The following PPP6R2 variants were observed in gnomAD, a reference collection of about 807,000 sequenced individuals.
The protein encoded by PPP6R2 is serine/threonine-protein phosphatase 6 regulatory subunit 2.
Under a neutral mutation model 100.2 loss-of-function variants are expected in PPP6R2, and 62 were observed. The observed-to-expected ratio is 0.62, with a 90% CI of 0.50 to 0.76. The LOEUF is 0.76. Among genes scored for constraint, PPP6R2 ranks in the 30% least tolerant of loss-of-function variants. The pLI, the probability that PPP6R2 is intolerant of heterozygous loss-of-function variation, is 0.00. For synonymous variants in PPP6R2, 525 were observed against 514.7 expected (o/e 1.02, Z -0.27); for missense variants, 1,142 against 1,276.3 (o/e 0.89, Z 1.60).
At chr22:50,428,687 TCAGC>T (rs1164221874) in intron 10 of PPP6R2, among the ~76,000 whole-genome samples, 2 of 152,140 alleles carry the variant, frequency 1.3e-5, no homozygotes, top group African/African-American at 4.8e-5. Context: ...TGTGTGTACT[TCAGC>T]CAGGGCAACA....
rs1157688641 is a variant in PPP6R2, at chr22:50,406,843, A to G, written c.382A>G (p.Ile128Val). 2 of 1,613,994 alleles carry G rather than the reference A, an allele frequency of 1.2e-6. No homozygotes were observed. The highest frequency in any genetic ancestry group is 1.7e-5 in the Admixed American group (1 of 59,988). Residue 128 changes from isoleucine (I) to valine (V), a missense_variant, in exon 4 of 24, where the codon ATT becomes GTT. This residue lies in a region of PPP6R2 where 592 missense variants were observed against 758.9 expected (regional missense o/e 0.78). Coordinates refer to ENST00000612753, the MANE Select transcript of PPP6R2 (RefSeq NM_001242898.2). ...PLLASFFSKT[I>V]GNLIARKTEQ... ...GCTCGCCAGTTTTTTCAGCAAGACCATTGGCAATCTCATTGCAAGAAAAAC... is the reference window on the plus strand; with the variant it reads ...GCTCGCCAGTTTTTTCAGCAAGACCGTTGGCAATCTCATTGCAAGAAAAAC...
At chr22:50,384,638 C>T (rs2053832717) in intron 2 of PPP6R2, among the ~76,000 whole-genome samples, 1 of 152,228 alleles carries the variant, frequency 6.6e-6, no homozygotes, top group African/African-American at 2.4e-5. Context: ...TGGTGGGGGC[C>T]TTCTTGCTGC....
At position 50,372,744 on chromosome 22, in the gene PPP6R2, A is replaced by G. The variant is rs2050533676; in HGVS notation, c.-17+594A>G. ...TGCTCTGTTGCCCAGGCTGGAGTGC[A>G]GTGGTGTGATCTCGGCTCACTGCAA... On this transcript the variant is annotated intron_variant, in intron 2 of 23. Coordinates refer to ENST00000612753, the MANE Select transcript of PPP6R2 (RefSeq NM_001242898.2). 4.7e-5 allele frequency among the ~76,000 whole-genome samples: 7 copies of G among 150,316 alleles called. No individual in the cohort carries two copies. In the South Asian group the frequency reaches 1.5e-3, roughly 32 times the overall value.
At chr22:50,367,033 C>T (rs1381783944) in intron 1 of PPP6R2, among the ~76,000 whole-genome samples, 4 of 151,656 alleles carry the variant, frequency 2.6e-5, no homozygotes, top group African/African-American at 7.3e-5. Context: ...TGGTCTGTTC[C>T]GTCTTGGCCA....
chr22:50,339,829 GTGTGTGT>G (rs2042350727), upstream of PPP6R2, among the ~76,000 whole-genome samples: 2 of 59,614 alleles, frequency 3.4e-5, no homozygotes, highest in South Asian at 8.0e-4. Context: ...GGGGTATGTA[GTGTGTGT>G]GGTGTGTGGT....
At chr22:50,392,530 G>T (rs1221776988) in intron 2 of PPP6R2, among the ~76,000 whole-genome samples, 1 of 152,186 alleles carries the variant, frequency 6.6e-6, no homozygotes, top group East Asian at 1.9e-4. Context: ...AGGCTGCAGG[G>T]CCTCACCCTT....
chr22:50,368,084 C>T (rs953145326), intron 1 of PPP6R2, among the ~76,000 whole-genome samples: 5 of 152,220 alleles, frequency 3.3e-5, no homozygotes, highest in Non-Finnish European at 7.3e-5. Context: ...ATTTCAAAGA[C>T]GTTAGTACTT....
intron 3 of PPP6R2, among the ~76,000 whole-genome samples, chr22:50,398,672 T>A (rs2148997696): frequency 6.6e-6 from 1 of 151,258 alleles, no homozygotes; most frequent in African/African-American, 2.4e-5. Context: ...CACACCAGCA[T>A]GCCTGGCTAA....
At position 50,431,029 on chromosome 22, in the gene PPP6R2, C is replaced by A. The variant is rs1275322828; in HGVS notation, c.1126-144C>A. ...TAGAGAGATGACCCTCAGGAAAACGCTTAAAACTCCTTCCTAGCTACCCAG... is the reference window on the plus strand; with the variant it reads ...TAGAGAGATGACCCTCAGGAAAACGATTAAAACTCCTTCCTAGCTACCCAG... On this transcript the variant is annotated intron_variant, in intron 10 of 23. Transcript: ENST00000612753. The surrounding 1 kb of genome is among the most constrained non-coding windows in gnomAD (Gnocchi z 4.8). 1 of 704,146 alleles carries A rather than the reference C, an allele frequency of 1.4e-6. No individual in the cohort carries two copies. The highest frequency in any genetic ancestry group is 2.4e-6 in the Non-Finnish European group (1 of 408,340). 43.6% of individuals were successfully genotyped at this position (704,146 alleles called of 1,614,324 possible).
chr22:50,349,195 CA>C (rs892504600), intron 1 of PPP6R2, among the ~76,000 whole-genome samples: 847 of 61,658 alleles, frequency 0.014, 3 homozygotes, highest in African/African-American at 0.046. Context: ...GACTTCCTCT[CA>C]AAAAAAAAAA....
At chr22:50,427,441 T>A (rs1278613114) in intron 10 of PPP6R2, among the ~76,000 whole-genome samples, 1 of 152,222 alleles carries the variant, frequency 6.6e-6, no homozygotes, top group East Asian at 1.9e-4. Context: ...AAATTGCTGT[T>A]CAGATTTTGG....
At chr22:50,427,764 A>T (rs1299044297) in intron 10 of PPP6R2, among the ~76,000 whole-genome samples, 1 of 152,212 alleles carries the variant, frequency 6.6e-6, no homozygotes, top group East Asian at 1.9e-4. Flanking sequence ...GCTGTCGCCC[A>T]GGCTGGAGTG....
intron 2 of PPP6R2, chr22:50,393,584 C>T (rs868186870): frequency 5.1e-6 from 5 of 974,730 alleles, no homozygotes; most frequent in Admixed American, 6.2e-5. Flanking sequence ...CAGAGGAGAA[C>T]CTGGGGAGGC....
chr22:50,410,037 T>C (rs542780679), intron 4 of PPP6R2, among the ~76,000 whole-genome samples: 26 of 152,168 alleles, frequency 1.7e-4, no homozygotes, highest in South Asian at 6.2e-4. Flanking sequence ...CTATTTTGTT[T>C]TTTGTTTTTA....
chr22:50,391,582 A>G (rs1447013877), intron 2 of PPP6R2, among the ~76,000 whole-genome samples: 1 of 152,166 alleles, frequency 6.6e-6, no homozygotes, highest in Non-Finnish European at 1.5e-5. Context: ...CCTGGACAAC[A>G]TGGCGAAACA....
chr22:50,399,285 A>G (rs868306588), intron 3 of PPP6R2, among the ~76,000 whole-genome samples: 1 of 152,238 alleles, frequency 6.6e-6, no homozygotes, highest in Non-Finnish European at 1.5e-5. Flanking sequence ...TCAGAGAGTA[A>G]ATACTTTAGG....
At chr22:50,411,859 C>T (rs2059793415) in intron 4 of PPP6R2, among the ~76,000 whole-genome samples, 1 of 152,000 alleles carries the variant, frequency 6.6e-6, no homozygotes. Flanking sequence ...TCCTGGCTAA[C>T]ACGGTGAAAC....
rs966886855 is a variant in PPP6R2, at chr22:50,381,523, C to T, written c.-17+9373C>T. Among the ~76,000 whole-genome samples the T allele has an allele frequency of 1.2e-4, 18 of 152,166 alleles. 1 individual carries two copies. Among genetic ancestry groups the T allele is most frequent in the Admixed American group, 1.1e-3 (17 of 15,252 alleles). The stretch of plus-strand genomic sequence containing the variant: ...TGAGGCATCCCAGTTTAACATCAGG[C>T]TTGGTGGGGCCAAAGAAACCATATC... On this transcript the variant is annotated intron_variant, in intron 2 of 23. Coordinates refer to ENST00000612753, the MANE Select transcript of PPP6R2 (RefSeq NM_001242898.2).
chr22:50,334,992 G>C, the PPP6R2 span, among the ~76,000 whole-genome samples: 4 of 151,984 alleles, frequency 2.6e-5, no homozygotes, highest in African/African-American at 9.7e-5. Context: ...CTGAGATTTT[G>C]CCAGAGATTA....
Sources: allele counts gnomAD v4.1 joint callset (sites outside exome capture counted in the v4.1 genomes callset), GRCh38; gene constraint gnomAD v4.1.1; regional missense constraint gnomAD v4.1.1; non-coding constraint Gnocchi (gnomAD v3.1); transcripts MANE v1.5; gene names NCBI Gene and HGNC (gene_info 2026-07-23, HGNC 2026-07-21).